The following ABHD2 variants were observed in gnomAD, a reference collection of about 807,000 sequenced individuals.
ABHD2 encodes the protein abhydrolase domain containing 2, acylglycerol lipase.
ABHD2 carries 20 observed loss-of-function variants against 48.1 expected under a neutral mutation model. The ratio of observed to expected loss-of-function variants is 0.42; its 90% CI spans 0.29 to 0.60. ABHD2 has a LOEUF of 0.60. Among genes scored for constraint, ABHD2 ranks in the 20% least tolerant of loss-of-function variants. The pLI is 0.24. For missense variants in ABHD2, 405 were observed against 550.9 expected (o/e 0.74, Z 2.65); for synonymous variants, 209 against 214.2 (o/e 0.98, Z 0.21).
At chr15:89,067,299 C>T in the ABHD2 span, among the ~76,000 whole-genome samples, 1 of 152,348 alleles carries the variant, frequency 6.6e-6, no homozygotes, top group East Asian at 1.9e-4. Context: ...TGATCTACAA[C>T]TGTGACAGTT....
At chr15:89,162,099 A>C (rs987260362) in intron 5 of ABHD2, among the ~76,000 whole-genome samples, 1 of 152,170 alleles carries the variant, frequency 6.6e-6, no homozygotes, top group African/African-American at 2.4e-5. Flanking sequence ...TTACATCTTT[A>C]AAAGCCTTAT....
Position 89,167,110 on chromosome 15 carries a change from C to T in ABHD2, c.539-8702C>T, listed in dbSNP as rs747595934. 6.6e-6 allele frequency among the ~76,000 whole-genome samples: 1 copy of T among 152,174 alleles called. No individual in the cohort carries two copies. Among genetic ancestry groups the T allele is most frequent in the African/African-American group, 2.4e-5 (1 of 41,432 alleles). On this transcript the variant is annotated intron_variant, in intron 5 of 10. Coordinates refer to ENST00000352732, the MANE Select transcript of ABHD2 (RefSeq NM_152924.5). The surrounding 1 kb of genome is among the most constrained non-coding windows in gnomAD (Gnocchi z 5.5). ...TGTAGAGATCACCCATGATCCAAGA[C>T]ATCTCACTGTAAGAGCTTCAGGCAG...
Position 89,185,329 on chromosome 15 carries a change from C to A in ABHD2, c.723-95C>A. 1.1e-6 allele frequency: 1 copy of A among 908,526 alleles called. No homozygotes were observed. The highest frequency in any genetic ancestry group is 2.5e-5 in the East Asian group (1 of 40,198). The allele number at this position is 908,526 out of a possible 1,614,324, so 56.3% of individuals were successfully genotyped here. ...CCACAGCCTGAGAGCCGGCCCTCTC[C>A]ACACAAGCACCTCACCCCATGGCTA... On this transcript the variant is annotated intron_variant, in intron 6 of 10. Coordinates refer to ENST00000352732, the MANE Select transcript of ABHD2 (RefSeq NM_152924.5). This position sits in a 1 kb window ranked among gnomAD's most constrained non-coding sequence, Gnocchi z 5.9.
chr15:89,162,869 G>A (rs1156415151), intron 5 of ABHD2, among the ~76,000 whole-genome samples: 1 of 152,200 alleles, frequency 6.6e-6, no homozygotes, highest in Non-Finnish European at 1.5e-5. Flanking sequence ...ACTCCCTGCT[G>A]TAGTTCCCCA....
chr15:89,093,011 G>A (rs966649637), intron 1 of ABHD2, among the ~76,000 whole-genome samples: 14 of 151,984 alleles, frequency 9.2e-5, no homozygotes, highest in Non-Finnish European at 1.6e-4. Flanking sequence ...GGAGAGCTGG[G>A]GCACTGGAGA....
At chr15:89,136,446 G>T in intron 3 of ABHD2, 1 of 475,058 alleles carries the variant, frequency 2.1e-6, no homozygotes, top group East Asian at 5.4e-5. Context: ...CACAAAAAAT[G>T]CATATGATGG....
the ABHD2 span, among the ~76,000 whole-genome samples, chr15:89,053,017 T>G: frequency 1.3e-5 from 2 of 150,768 alleles, no homozygotes; most frequent in African/African-American, 2.4e-5. Context: ...GCCCAGGCTG[T>G]AGTGCAGTGG....
intron 4 of ABHD2, among the ~76,000 whole-genome samples, chr15:89,154,872 A>C (rs74835937): frequency 3.3e-5 from 5 of 152,216 alleles, no homozygotes; most frequent in Non-Finnish European, 7.3e-5. Flanking sequence ...ATTGTTTTAC[A>C]TATGTACAAT....
chr15:89,152,184 G>T (rs184610918), intron 4 of ABHD2, among the ~76,000 whole-genome samples: 5 of 150,998 alleles, frequency 3.3e-5, no homozygotes, highest in South Asian at 2.1e-4. Context: ...CACTCCATTC[G>T]CCTGCCTCAG....
chr15:89,108,441 C>T (rs1411251557), intron 1 of ABHD2, among the ~76,000 whole-genome samples: 1 of 152,208 alleles, frequency 6.6e-6, no homozygotes, highest in African/African-American at 2.4e-5. Context: ...TTAGGACTCC[C>T]TCCAACGAGT....
the ABHD2 span, among the ~76,000 whole-genome samples, chr15:89,068,770 T>TTTTTG: frequency 1.6e-5 from 2 of 127,782 alleles, no homozygotes; most frequent in African/African-American, 6.0e-5. Context: ...TTTTTTTTTT[T>TTTTTG]TTTTTTTTTT....
intron 3 of ABHD2, among the ~76,000 whole-genome samples, chr15:89,148,951 T>G (rs1472040425): frequency 6.6e-6 from 1 of 152,136 alleles, no homozygotes; most frequent in Non-Finnish European, 1.5e-5. Context: ...ACCTATTCAG[T>G]TTTTTGTTTT....
intron 5 of ABHD2, among the ~76,000 whole-genome samples, chr15:89,170,773 C>T (rs986114844): frequency 2.0e-5 from 3 of 152,160 alleles, no homozygotes; most frequent in African/African-American, 7.2e-5. Flanking sequence ...TTTTAACTTG[C>T]ATCTATTTAA....
At chr15:89,193,973 C>G (rs1171934274) in intron 10 of ABHD2, among the ~76,000 whole-genome samples, 4 of 151,352 alleles carry the variant, frequency 2.6e-5, no homozygotes, top group Non-Finnish European at 5.9e-5. Flanking sequence ...TACCTGTAGT[C>G]CTAGCTACTC....
Position 89,151,257 on chromosome 15 carries a change from AAAG to A in ABHD2, c.195-413_195-411del, listed in dbSNP as rs1025619738. Among the ~76,000 whole-genome samples the A allele has an allele frequency of 6.6e-6, 1 of 152,216 alleles. No homozygotes were observed. Among genetic ancestry groups the A allele is most frequent in the African/African-American group, 2.4e-5 (1 of 41,458 alleles). On this transcript the variant is annotated intron_variant, in intron 3 of 10. Coordinates refer to ENST00000352732, the MANE Select transcript of ABHD2 (RefSeq NM_152924.5). This position sits in a 1 kb window ranked among gnomAD's most constrained non-coding sequence, Gnocchi z 4.7. ...ACAGCTGTGGCCTGTCTCGTTAGGG[AAAG>A]AAGAAGTGAGCTTTTAGTGAGTGTA... is the stretch of plus-strand genomic sequence containing the variant.
rs184834681 is a variant in ABHD2 at position 89,151,917 on chromosome 15, C to T, written c.370+65C>T. 1.6e-4 allele frequency: 246 copies of T among 1,560,404 alleles called. 1 individual carries two copies. In the African/African-American group the frequency reaches 2.5e-3, roughly 16 times the overall value. On this transcript the variant is annotated intron_variant, in intron 4 of 10. Coordinates refer to ENST00000352732, the MANE Select transcript of ABHD2 (RefSeq NM_152924.5). This position sits in a 1 kb window ranked among gnomAD's most constrained non-coding sequence, Gnocchi z 4.7. ...AGAAGGAGCACTAGTCAGTGGAGAG[C>T]ACAGCAGTGTGAATACTTGTGCCAC...
the ABHD2 span, among the ~76,000 whole-genome samples, chr15:89,064,218 CCT>C: frequency 1.3e-5 from 1 of 75,536 alleles, no homozygotes; most frequent in Non-Finnish European, 2.2e-5. Flanking sequence ...AACATTGTGT[CCT>C]TTTTTTTTTT....
At chr15:89,138,875 T>TC (rs1567086012) in intron 3 of ABHD2, among the ~76,000 whole-genome samples, 1 of 151,034 alleles carries the variant, frequency 6.6e-6, no homozygotes, top group African/African-American at 2.4e-5. Context: ...TCTTTTTTTT[T>TC]CCTCATTTTT....
At chr15:89,109,108 A>G (rs1435023257) in intron 1 of ABHD2, among the ~76,000 whole-genome samples, 3 of 152,248 alleles carry the variant, frequency 2.0e-5, no homozygotes, top group Middle Eastern at 3.2e-3. Flanking sequence ...TTCCCAGTGC[A>G]GTGGCAGTTT....
Sources: allele counts gnomAD v4.1 joint callset (sites outside exome capture counted in the v4.1 genomes callset), GRCh38; gene constraint gnomAD v4.1.1; non-coding constraint Gnocchi (gnomAD v3.1); transcripts MANE v1.5; gene names NCBI Gene and HGNC (gene_info 2026-07-23, HGNC 2026-07-21).